KMT2C: variants seen among roughly 807,000 people sequenced by gnomAD.
KMT2C encodes the protein lysine methyltransferase 2C.
A neutral mutation model predicts 507.9 loss-of-function variants in KMT2C; 88 were observed. That is an observed-to-expected ratio of 0.17 (90% CI 0.15 to 0.21). The LOEUF (loss-of-function observed/expected upper bound fraction) is 0.21, where lower values mean the gene tolerates loss of function less well. KMT2C is among the 10% of genes least tolerant of loss of function. KMT2C has a pLI of 1.00. For synonymous variants in KMT2C, 2,049 were observed against 2,080.8 expected (o/e 0.98, Z 0.42); for missense variants, 4,954 against 5,957.8 (o/e 0.83, Z 5.55).
chr7:152,205,040 C>A (rs2129137136), intron 25 of KMT2C, 66 bp downstream of exon 25: 1 of 1,005,014 alleles, frequency 1.0e-6, no homozygotes, highest in Middle Eastern at 2.2e-4. Context: ...TAGTTTTTTC[C>A]AATAGAAATA....
chr7:152,327,463 A>G (rs999121884), intron 3 of KMT2C, among the ~76,000 whole-genome samples: 25 of 152,194 alleles, frequency 1.6e-4, no homozygotes, highest in African/African-American at 6.0e-4. Flanking sequence ...GAGGCACAGA[A>G]TACTTTCAGA....
At chr7:152,433,853 G>T (rs1236743469) in intron 1 of KMT2C, among the ~76,000 whole-genome samples, 1 of 152,074 alleles carries the variant, frequency 6.6e-6, no homozygotes, top group South Asian at 2.1e-4. Context: ...GTGCGCGTGC[G>T]TGTGAGTGTG....
chr7:152,331,240 C>T (rs1776159923), intron 2 of KMT2C, among the ~76,000 whole-genome samples: 1 of 151,782 alleles, frequency 6.6e-6, no homozygotes, highest in African/African-American at 2.4e-5. Flanking sequence ...AACCTGGGAG[C>T]CAGAGGCTGC....
In KMT2C at chr7:152,177,815, C is replaced by T; in HGVS notation, c.7638G>A (p.Leu2546=). 1 of 1,613,774 alleles carries T rather than the reference C, an allele frequency of 6.2e-7. No individual in the cohort carries two copies. The highest frequency in any genetic ancestry group is 8.5e-7 in the Non-Finnish European group (1 of 1,179,912). ...CCAGTATGTTGTGCTGCTGAACTGG[C>T]AAGCTCTGTGGTGAAAAATGCTGAG... ...GLPQHFSPQS[L]PVQQHNILGQ... The change falls in exon 38 of 59, where the codon TTG becomes TTA. Residue 2546 remains leucine, a synonymous_variant. Coordinates refer to ENST00000262189, the MANE Select transcript of KMT2C (RefSeq NM_170606.3).
chr7:152,354,526 T>C (rs980965502), intron 2 of KMT2C, among the ~76,000 whole-genome samples: 2 of 152,146 alleles, frequency 1.3e-5, no homozygotes, highest in Non-Finnish European at 2.9e-5. Flanking sequence ...TGTTACGTAC[T>C]AGGAGAAAAA....
intron 3 of KMT2C, among the ~76,000 whole-genome samples, chr7:152,317,007 AC>A (rs1179381203): frequency 6.6e-6 from 1 of 152,184 alleles, no homozygotes; most frequent in Non-Finnish European, 1.5e-5. Context: ...TAGAAACACT[AC>A]CCATGAGAAG....
intron 1 of KMT2C, chr7:152,366,776 T>C (rs2097249341): frequency 4.9e-6 from 1 of 202,574 alleles, no homozygotes; most frequent in Non-Finnish European, 9.9e-6. Context: ...AACCAGCCGC[T>C]GAGCTGCAGC....
At chr7:152,264,715 C>T (rs192435941) in intron 8 of KMT2C, among the ~76,000 whole-genome samples, 37 of 151,960 alleles carry the variant, frequency 2.4e-4, no homozygotes, top group Admixed American at 5.9e-4. Context: ...TTGTTAATAT[C>T]GCTTATTTTT....
rs1052985413 is a variant in KMT2C at position 152,233,099 on chromosome 7, G to A, written c.2769+2718C>T. Reference sequence around the variant, plus strand: ...TACAATGTCCCTAGATTCAAGTGGGGGTGGGGAGTCATACTGTCATATTTA... The same window carrying A: ...TACAATGTCCCTAGATTCAAGTGGGAGTGGGGAGTCATACTGTCATATTTA... On this transcript the variant is annotated intron_variant, in intron 16 of 58. Coordinates refer to ENST00000262189, the MANE Select transcript of KMT2C (RefSeq NM_170606.3). 4.6e-5 allele frequency among the ~76,000 whole-genome samples: 7 copies of A among 152,156 alleles called. No homozygotes were observed. In the East Asian group the frequency reaches 1.3e-3, roughly 29 times the overall value.
At chr7:152,271,970 T>C (rs181125174) in intron 7 of KMT2C, among the ~76,000 whole-genome samples, 67 of 152,272 alleles carry the variant, frequency 4.4e-4, no homozygotes, top group Middle Eastern at 6.8e-3. Flanking sequence ...GCCAAATTTG[T>C]GGTTACGTCT....
chr7:152,251,655 G>A (rs531919654), intron 11 of KMT2C, among the ~76,000 whole-genome samples: 1 of 152,022 alleles, frequency 6.6e-6, no homozygotes, highest in Non-Finnish European at 1.5e-5. Context: ...CAAACCCAAA[G>A]ACTGGGGAAC....
chr7:152,187,538 G>C (rs2129124960), intron 32 of KMT2C, 62 bp from the exon 33 acceptor site: 1 of 1,479,966 alleles, frequency 6.8e-7, no homozygotes, highest in South Asian at 1.2e-5. Context: ...ATATGTTCAA[G>C]TATAGCTTTC....
chr7:152,384,548 A>ACCACCAC (rs2097403313), intron 1 of KMT2C, among the ~76,000 whole-genome samples: 1 of 62,174 alleles, frequency 1.6e-5, no homozygotes, highest in African/African-American at 6.3e-5. Flanking sequence ...CATGTGCATA[A>ACCACCAC]CACCACCACC....
chr7:152,169,024 C>T (rs1037387768), intron 41 of KMT2C, among the ~76,000 whole-genome samples, 162 bp downstream of exon 41: 5 of 152,106 alleles, frequency 3.3e-5, no homozygotes, highest in African/African-American at 9.7e-5. Context: ...AAAACACACG[C>T]CTTGAAGAAG....
rs535046303 is a variant in KMT2C, at chr7:152,139,371, A to G, written c.14461-112T>C. ...AACTGAACGGAACGGCAGCCTGATC[A>G]TCCTTACTGTGGATATTCTATTAGG... On this transcript the variant is annotated intron_variant, in intron 56 of 58. Coordinates refer to ENST00000262189, the MANE Select transcript of KMT2C (RefSeq NM_170606.3). 11 of 909,908 alleles carry G rather than the reference A, an allele frequency of 1.2e-5. No homozygotes were observed. The East Asian group carries it at 2.2e-4, about 18-fold the overall frequency. The allele number at this position is 909,908 out of a possible 1,614,324, so 56.4% of individuals were successfully genotyped here. A position where few individuals can be genotyped will look rare whatever the true frequency, so the allele number is the denominator to read the frequency against.
At chr7:152,320,459 G>A (rs190980617) in intron 3 of KMT2C, among the ~76,000 whole-genome samples, 207 of 152,190 alleles carry the variant, frequency 1.4e-3, no homozygotes, top group Admixed American at 2.5e-3. Context: ...ATGGTGGCCA[G>A]GCTGGTCTCA....
rs1028097285 is a variant in KMT2C at position 152,145,016 on chromosome 7, C to T, written c.14175-135G>A. 3.7e-5 allele frequency: 50 copies of T among 1,357,472 alleles called. No individual in the cohort carries two copies. In the African/African-American group the frequency reaches 5.5e-4, roughly 15 times the overall value. 84.1% of individuals were successfully genotyped at this position (1,357,472 alleles called of 1,614,324 possible). A position where few individuals can be genotyped will look rare whatever the true frequency, so the allele number is the denominator to read the frequency against. On this transcript the variant is annotated intron_variant, in intron 54 of 58. Coordinates refer to ENST00000262189, the MANE Select transcript of KMT2C (RefSeq NM_170606.3). ...TGGAAAGCTGCCTAGCAGAGACACA[C>T]GGCGAGTTCTCTTATGTAGTTGGGC...
In KMT2C at chr7:152,199,330, A is replaced by C. The variant is rs2094062326; in HGVS notation, c.4222T>G (p.Leu1408Val). 1 of 1,604,806 alleles carries C rather than the reference A, an allele frequency of 6.2e-7. No homozygotes were observed. Among genetic ancestry groups the C allele is most frequent in the African/African-American group, 1.3e-5 (1 of 74,426 alleles). The change falls in exon 27 of 59, where the codon TTA becomes GTA. Residue 1408 changes from leucine (L) to valine (V), a missense_variant. Transcript: ENST00000262189. ...NMNTGFLDPS[L>V]DPLLSSSSAP... Reference sequence around the variant, plus strand: ...GAGGATGAACTAAGTAGTGGATCTAAGGAAGGATCCAAGAAACCTGTGTTC... The same window carrying C: ...GAGGATGAACTAAGTAGTGGATCTACGGAAGGATCCAAGAAACCTGTGTTC...
In KMT2C at chr7:152,148,176, C is replaced by T; in HGVS notation, c.13751G>A (p.Arg4584Gln). The T allele has an allele frequency of 6.2e-7, 1 of 1,614,202 alleles. No homozygotes were observed. Among genetic ancestry groups the T allele is most frequent in the Non-Finnish European group, 8.5e-7 (1 of 1,180,016 alleles). The change falls in exon 52 of 59, where the codon CGG becomes CAG. Residue 4584 changes from arginine (R) to glutamine (Q), a missense_variant. Physicochemically the swap from Arg to Gln is conservative, Grantham distance 43. Around this residue, in one of 29 missense-constraint regions of KMT2C, gnomAD observed 221 missense variants for 304.7 expected, o/e 0.73. Transcript: ENST00000262189. The surrounding 1 kb of genome is among the most constrained non-coding windows in gnomAD (Gnocchi z 7.1). ...ALFPVGYEASRLYWSTRYANR... is the reference protein window; with the variant it reads ...ALFPVGYEASQLYWSTRYANR... The stretch of plus-strand genomic sequence containing the variant: ...GGCATAGCGAGTGCTCCAGTACAGC[C>T]GGCTGGCTTCATAGCCCACAGGGAA...
Sources: allele counts gnomAD v4.1 joint callset (sites outside exome capture counted in the v4.1 genomes callset), GRCh38; gene constraint gnomAD v4.1.1; regional missense constraint gnomAD v4.1.1; non-coding constraint Gnocchi (gnomAD v3.1); transcripts MANE v1.5; gene names NCBI Gene and HGNC (gene_info 2026-07-23, HGNC 2026-07-21).